PTPRA: variants seen among roughly 807,000 people sequenced by gnomAD.
The protein encoded by PTPRA is receptor-type tyrosine-protein phosphatase alpha.
PTPRA carries 25 observed loss-of-function variants against 104.8 expected under a neutral mutation model. That is an observed-to-expected ratio of 0.24 (90% CI 0.17 to 0.33). The LOEUF is 0.33. Among genes scored for constraint, PTPRA ranks in the 10% least tolerant of loss-of-function variants. The probability of loss-of-function intolerance (pLI) is 1.00; values close to 1 mark genes in which losing one functional copy is unlikely to be tolerated. For missense variants in PTPRA, 765 were observed against 1,015.3 expected (o/e 0.75, Z 3.35); for synonymous variants, 323 against 368.9 (o/e 0.88, Z 1.43).
Position 2,988,522 on chromosome 20 carries a change from C to G in PTPRA, c.738+48C>G, listed in dbSNP as rs201276576. ...TGTATCAGCAGGGAAGAAGGCAGACCTAAAGTCAGACCTTTCAGATCTTTG... is the reference window on the plus strand; with the variant it reads ...TGTATCAGCAGGGAAGAAGGCAGACGTAAAGTCAGACCTTTCAGATCTTTG... On this transcript the variant is annotated intron_variant, in intron 9 of 23. Transcript: ENST00000399903. 5 of 1,590,256 alleles carry G rather than the reference C, an allele frequency of 3.1e-6. No homozygotes were observed. In the East Asian group the frequency reaches 9.1e-5, roughly 29 times the overall value.
At chr20:2,905,949 G>C (rs1046055521) in intron 1 of PTPRA, among the ~76,000 whole-genome samples, 8 of 151,930 alleles carry the variant, frequency 5.3e-5, no homozygotes, top group African/African-American at 1.9e-4. Context: ...GCCTCCCAAA[G>C]TGCTGGTATT....
In PTPRA at chr20:2,965,055, A is replaced by G; in HGVS notation, c.268A>G (p.Arg90Gly). ...TTCAGACTCTGACAATGGGACCACA[A>G]GAACAGCAAGCACCAATTCTATAGG... is the stretch of plus-strand genomic sequence containing the variant. Reference protein sequence around the residue: ...NSSDSDNGTTRTASTNSIGIT... With the variant: ...NSSDSDNGTTGTASTNSIGIT... The change falls in exon 5 of 24, where the codon AGA becomes GGA. Residue 90 changes from arginine to glycine, a missense_variant. Around this residue, in one of 4 missense-constraint regions of PTPRA, gnomAD observed 256 missense variants for 248.9 expected, o/e 1.03. Transcript: ENST00000399903. 6.2e-7 allele frequency: 1 copy of G among 1,614,148 alleles called. No homozygotes were observed. Among genetic ancestry groups the G allele is most frequent in the Non-Finnish European group, 8.5e-7 (1 of 1,179,976 alleles).
rs1362056327 is a variant in PTPRA at position 3,037,567 on chromosome 20, G to A, written c.2334+278G>A. The stretch of plus-strand genomic sequence containing the variant: ...TACTTCTCTGTGGGTCTTGGGTAAG[G>A]AAGATCCATGAAGAGTACCTGCCTT... On this transcript the variant is annotated intron_variant, in intron 23 of 23. Coordinates refer to ENST00000399903, the MANE Select transcript of PTPRA (RefSeq NM_001385305.1). This position sits in a 1 kb window ranked among gnomAD's most constrained non-coding sequence, Gnocchi z 4.3. 6.6e-6 allele frequency among the ~76,000 whole-genome samples: 1 copy of A among 152,230 alleles called. No homozygotes were observed. Among genetic ancestry groups the A allele is most frequent in the East Asian group, 1.9e-4 (1 of 5,198 alleles).
chr20:2,868,587 T>C (rs1400337570), upstream of PTPRA, among the ~76,000 whole-genome samples: 1 of 134,094 alleles, frequency 7.5e-6, no homozygotes, highest in Non-Finnish European at 1.6e-5. Flanking sequence ...GGAAAGGAAA[T>C]AATCCCCAAT....
At chr20:2,997,318 TAAAAC>T (rs1464998111) in intron 9 of PTPRA, among the ~76,000 whole-genome samples, 1 of 152,210 alleles carries the variant, frequency 6.6e-6, no homozygotes, top group Non-Finnish European at 1.5e-5. Context: ...TTATTTGACT[TAAAAC>T]AAGCATATTC....
At chr20:3,025,165 C>T (rs1458595665) in intron 17 of PTPRA, among the ~76,000 whole-genome samples, 1 of 152,174 alleles carries the variant, frequency 6.6e-6, no homozygotes, top group Non-Finnish European at 1.5e-5. Context: ...AGTAAAAGTG[C>T]TCTCCCAGGC....
chr20:2,873,357 G>C (rs545904094), upstream of PTPRA: 3 of 152,214 alleles, frequency 2.0e-5, no homozygotes, highest in South Asian at 4.1e-4. This position sits in a 1 kb window ranked among gnomAD's most constrained non-coding sequence, Gnocchi z 4.4. Flanking sequence ...CGCCCCAGCC[G>C]GCAAGTGAGC....
chr20:2,932,436 C>T (rs1168478211), intron 2 of PTPRA, among the ~76,000 whole-genome samples: 1 of 152,072 alleles, frequency 6.6e-6, no homozygotes, highest in Non-Finnish European at 1.5e-5. Flanking sequence ...ACATCCGTGT[C>T]TATTTGTAAA....
chr20:2,991,063 A>G (rs2063151477), intron 9 of PTPRA, among the ~76,000 whole-genome samples: 1 of 152,146 alleles, frequency 6.6e-6, no homozygotes, highest in Admixed American at 6.5e-5. Flanking sequence ...GATAAGATTT[A>G]CCACATCCTG....
the PTPRA span, chr20:2,865,975 A>C: frequency 3.6e-6 from 2 of 559,062 alleles, no homozygotes; most frequent in Non-Finnish European, 6.4e-6. This position sits in a 1 kb window ranked among gnomAD's most constrained non-coding sequence, Gnocchi z 5.2. Context: ...GGTAGAGCAG[A>C]AGCGTGGAAA....
intron 1 of PTPRA, among the ~76,000 whole-genome samples, chr20:2,899,693 A>G (rs1190774010): frequency 1.3e-5 from 2 of 152,228 alleles, no homozygotes; most frequent in Non-Finnish European, 2.9e-5. Context: ...ATGCATGTCT[A>G]TACATACATA....
chr20:2,933,031 C>A (rs1040746597), intron 2 of PTPRA, among the ~76,000 whole-genome samples: 2 of 152,118 alleles, frequency 1.3e-5, no homozygotes, highest in African/African-American at 4.8e-5. Flanking sequence ...ATGTAAAAAG[C>A]AAGTTTAGCA....
chr20:2,950,219 C>T lies in PTPRA; in HGVS notation c.-7+2195C>T, dbSNP rs1487940340. The stretch of plus-strand genomic sequence containing the variant: ...AAGAATATTCAGGTCTTTTGTTCTT[C>T]CTGGGCTAGTTTTTTATTCTTTTTC... On this transcript the variant is annotated intron_variant, in intron 3 of 23. Transcript: ENST00000399903. The surrounding 1 kb of genome is among the most constrained non-coding windows in gnomAD (Gnocchi z 4.0). Among the ~76,000 whole-genome samples, 3 of 152,076 alleles carry T rather than the reference C, an allele frequency of 2.0e-5. No individual in the cohort carries two copies. Among genetic ancestry groups the T allele is most frequent in the Admixed American group, 1.3e-4 (2 of 15,262 alleles).
chr20:2,974,879 A>G (rs2062364651), intron 5 of PTPRA, among the ~76,000 whole-genome samples: 1 of 152,090 alleles, frequency 6.6e-6, no homozygotes, highest in Non-Finnish European at 1.5e-5. Flanking sequence ...ATTAGATTTT[A>G]TTACTTATCA....
At chr20:2,884,880 G>A (rs2090292444) in intron 1 of PTPRA, among the ~76,000 whole-genome samples, 1 of 150,476 alleles carries the variant, frequency 6.6e-6, no homozygotes, top group Admixed American at 6.7e-5. Context: ...CACGATTTTG[G>A]CTCACTGCAA....
chr20:2,867,056 T>C, the PTPRA span, among the ~76,000 whole-genome samples: 1 of 152,372 alleles, frequency 6.6e-6, no homozygotes, highest in East Asian at 1.9e-4. Context: ...CTTCCTTTAT[T>C]CCTCGTGACA....
At chr20:2,917,616 A>G (rs1418326826) in intron 1 of PTPRA, among the ~76,000 whole-genome samples, 1 of 152,148 alleles carries the variant, frequency 6.6e-6, no homozygotes, top group Non-Finnish European at 1.5e-5. Context: ...TTTATCCAAC[A>G]TTTCTAGATT....
intron 1 of PTPRA, among the ~76,000 whole-genome samples, chr20:2,887,756 T>C (rs1213323314): frequency 6.6e-6 from 1 of 152,232 alleles, no homozygotes; most frequent in Non-Finnish European, 1.5e-5. Context: ...CTTCCTTTGA[T>C]AATGTTAGCA....
chr20:3,037,002 C>T lies in PTPRA; in HGVS notation c.2199-152C>T. The T allele has an allele frequency of 9.1e-7, 1 of 1,097,938 alleles. No individual in the cohort carries two copies. Among genetic ancestry groups the T allele is most frequent in the South Asian group, 1.5e-5 (1 of 65,786 alleles). 68.0% of individuals were successfully genotyped at this position (1,097,938 alleles called of 1,614,324 possible). A position where few individuals can be genotyped will look rare whatever the true frequency, so the allele number is the denominator to read the frequency against. ...AGGAAGGGCACAGGGTACACTGCCT[C>T]CCGACCCAGAACCCCTCCAGGCTGG... On this transcript the variant is annotated intron_variant, in intron 22 of 23. Transcript: ENST00000399903. This position sits in a 1 kb window ranked among gnomAD's most constrained non-coding sequence, Gnocchi z 4.3.
Sources: gnomAD v4.1 joint callset for allele counts (sites outside exome capture counted in the v4.1 genomes callset) on GRCh38, gnomAD v4.1.1 for gene constraint, gnomAD v4.1.1 regional missense constraint, Gnocchi (gnomAD v3.1) non-coding constraint, MANE v1.5 for transcripts, NCBI Gene and HGNC (gene_info 2026-07-23, HGNC 2026-07-21) for gene names.